ACSM2A: variants seen among roughly 807,000 people sequenced by gnomAD.
ACSM2A encodes the protein acyl-CoA synthetase medium chain family member 2A.
A neutral mutation model predicts 76.6 loss-of-function variants in ACSM2A; 72 were observed. The observed-to-expected ratio is 0.94, with a 90% CI of 0.78 to 1.14. The LOEUF (loss-of-function observed/expected upper bound fraction) is 1.14, where lower values mean the gene tolerates loss of function less well. ACSM2A is among the 50% of genes most tolerant of loss of function. ACSM2A has a pLI of 0.00. For missense variants in ACSM2A, 684 were observed against 708.5 expected (o/e 0.97, Z 0.39); for synonymous variants, 249 against 255.9 (o/e 0.97, Z 0.26).
chr16:20,476,215 C>A (rs559875383), intron 8 of ACSM2A: 45 of 1,000,978 alleles, frequency 4.5e-5, no homozygotes, highest in Non-Finnish European at 5.4e-5. Context: ...GAAGAAGAAC[C>A]CACCATGACT....
At chr16:20,472,833 G>A (rs2013501323) in intron 6 of ACSM2A, among the ~76,000 whole-genome samples, 1 of 152,152 alleles carries the variant, frequency 6.6e-6, no homozygotes, top group Non-Finnish European at 1.5e-5. Flanking sequence ...TTAGCTGGCT[G>A]CAAAGTATTT....
intron 3 of ACSM2A, among the ~76,000 whole-genome samples, chr16:20,468,404 TG>T (rs1283945520): frequency 6.6e-6 from 1 of 152,254 alleles, no homozygotes; most frequent in Admixed American, 6.5e-5. Flanking sequence ...AGTCTCCCTC[TG>T]TAGTCCAGGC....
At chr16:20,469,473 A>G (rs756532048) in intron 3 of ACSM2A, 39 bp from the exon 4 acceptor site, 1 of 1,610,350 alleles carries the variant, frequency 6.2e-7, no homozygotes, top group Non-Finnish European at 8.5e-7. Context: ...GACAAAGAAA[A>G]TCATCCTTTC....
Position 20,471,694 on chromosome 16 carries a change from G to C in ACSM2A, c.894+5G>C. The stretch of plus-strand genomic sequence containing the variant: ...GACCCACTGGTTATTCTAAAGGTAA[G>C]AGAGGATCCAGTTTGCAGCAGTTAT... On this transcript the variant is annotated splice_donor_5th_base_variant and intron_variant, in intron 6 of 13. Transcript: ENST00000573854. The C allele has an allele frequency of 1.2e-6, 2 of 1,605,172 alleles. No individual in the cohort carries two copies. The highest frequency in any genetic ancestry group is 1.7e-6 in the Non-Finnish European group (2 of 1,175,058).
At chr16:20,473,554 TACTC>T (rs2013542287) in intron 6 of ACSM2A, among the ~76,000 whole-genome samples, 1 of 152,220 alleles carries the variant, frequency 6.6e-6, no homozygotes, top group Non-Finnish European at 1.5e-5. Flanking sequence ...TATTGCATGA[TACTC>T]ACATTTGTCA....
At chr16:20,481,363 A>G (rs541920950) in intron 12 of ACSM2A, 2 of 169,052 alleles carry the variant, frequency 1.2e-5, no homozygotes, top group African/African-American at 2.4e-5. Flanking sequence ...TGTGGTATAT[A>G]TACACAATGG....
rs546660321 is a variant in ACSM2A, at chr16:20,462,388, G to T, written c.177+2097G>T. On this transcript the variant is annotated intron_variant, in intron 2 of 13. Coordinates refer to ENST00000573854, the MANE Select transcript of ACSM2A (RefSeq NM_001308172.2). ...TCAGGAAGAGACTGTTGTCATCCTT[G>T]CTTTAAAGTTAAATTATAAACTAAA... Among the ~76,000 whole-genome samples, 151 of 152,262 alleles carry T rather than the reference G, an allele frequency of 9.9e-4. 1 individual carries two copies. Among genetic ancestry groups the T allele is most frequent in the African/African-American group, 3.3e-3 (139 of 41,552 alleles).
At chr16:20,486,454 G>T in intron 13 of ACSM2A, 120 bp from the exon 14 acceptor site, 2 of 1,083,414 alleles carry the variant, frequency 1.8e-6, no homozygotes, top group Non-Finnish European at 2.8e-6. Flanking sequence ...TATTGCACAG[G>T]GCAGCTGCCC....
At chr16:20,482,900 T>G in intron 12 of ACSM2A, 158 bp from the exon 13 acceptor site, 1 of 1,235,960 alleles carries the variant, frequency 8.1e-7, no homozygotes, top group Non-Finnish European at 1.1e-6. Flanking sequence ...GTAACCTCAT[T>G]CATGTCCCCA....
chr16:20,451,995 TA>T (rs1220808719), intron 1 of ACSM2A: 1 of 150,862 alleles, frequency 6.6e-6, no homozygotes, highest in African/African-American at 2.4e-5. Context: ...AAGAGCTTAT[TA>T]TGGAAAAAGA....
In ACSM2A at chr16:20,452,553, C is replaced by CATAT. The variant is rs2011835235; in HGVS notation, c.-9+877_-9+880dup. ...TACATATGTTAATACTTAGTAAACTCATATATATGCTTATATATATGAGTT... is the reference window on the plus strand; with the variant it reads ...TACATATGTTAATACTTAGTAAACTCATATATATATATGCTTATATATATGAGTT... On this transcript the variant is annotated intron_variant, in intron 1 of 13. Coordinates refer to ENST00000573854, the MANE Select transcript of ACSM2A (RefSeq NM_001308172.2). 2 of 120,746 alleles carry CATAT rather than the reference C, an allele frequency of 1.7e-5. 1 individual carries two copies. Among genetic ancestry groups the CATAT allele is most frequent in the African/African-American group, 7.1e-5 (2 of 28,188 alleles). 7.5% of individuals were successfully genotyped at this position (120,746 alleles called of 1,614,324 possible). A position where few individuals can be genotyped will look rare whatever the true frequency, so the allele number is the denominator to read the frequency against.
chr16:20,486,577 G>C lies in ACSM2A; in HGVS notation c.1633G>C (p.Glu545Gln). The stretch of plus-strand genomic sequence containing the variant: ...GGACTGATTTGTTTTTCAACAGATA[G>C]AGTTTGTCTTGAACCTGCCCAAGAC... ...TAPYKYPRKI[E>Q]FVLNLPKTVT... Residue 545 changes from glutamate to glutamine, a missense_variant, in exon 14 of 14, where the codon GAG (glutamate) becomes CAG (glutamine). Around this residue, in one of 3 missense-constraint regions of ACSM2A, gnomAD observed 159 missense variants for 132.5 expected, o/e 1.20. Coordinates refer to ENST00000573854, the MANE Select transcript of ACSM2A (RefSeq NM_001308172.2). 6.2e-7 allele frequency: 1 copy of C among 1,614,144 alleles called. No homozygotes were observed. Among genetic ancestry groups the C allele is most frequent in the South Asian group, 1.1e-5 (1 of 91,072 alleles).
At chr16:20,474,894 G>T (rs965196313) in intron 6 of ACSM2A, among the ~76,000 whole-genome samples, 10 of 152,182 alleles carry the variant, frequency 6.6e-5, no homozygotes, top group Non-Finnish European at 1.2e-4. Flanking sequence ...GCTTTTCAAA[G>T]AACTTTTATA....
rs766707267 is a variant in ACSM2A, at chr16:20,483,162, C to T, written c.1614C>T (p.Tyr538=). ...QQHVKSVTAP[Y]KYPRKIEFVL... is the part of the protein sequence containing the mutation. ...ATGTGAAGTCAGTGACAGCCCCATA[C>T]AAGTACCCAAGAAAGGTAAGGCCTT... Residue 538 remains tyrosine (Y), a synonymous_variant, in exon 13 of 14, where the codon TAC becomes TAT. Transcript: ENST00000573854. 4 of 1,613,908 alleles carry T rather than the reference C, an allele frequency of 2.5e-6. No homozygotes were observed. The African/African-American group carries it at 5.3e-5, about 22-fold the overall frequency.
At position 20,486,677 on chromosome 16, in the gene ACSM2A, G is replaced by GT; in HGVS notation, c.1733_1734insT (p.Ter578CysfsTer27). 6.2e-7 allele frequency: 1 copy of GT among 1,614,120 alleles called. No individual in the cohort carries two copies. On this transcript the variant is annotated frameshift_variant and stop_lost, in exon 14 of 14. Coordinates refer to ENST00000573854, the MANE Select transcript of ACSM2A (RefSeq NM_001308172.2). LOFTEE classifies it high-confidence loss of function. ...ATGTCCGGAAAAGCCCGTGCGCAGT[G>GT]AGACATCTAAGAGACATTCATTTGG...
intron 13 of ACSM2A, among the ~76,000 whole-genome samples, chr16:20,485,620 C>G (rs754571207): frequency 2.0e-5 from 3 of 152,170 alleles, no homozygotes; most frequent in African/African-American, 7.2e-5. Context: ...TTGATAAAAA[C>G]AGGAAGTGGG....
chr16:20,486,862 T>C lies in ACSM2A; in HGVS notation c.*184T>C. On this transcript the variant is annotated 3_prime_UTR_variant, in exon 14 of 14. Coordinates refer to ENST00000573854, the MANE Select transcript of ACSM2A (RefSeq NM_001308172.2). Reference sequence around the variant, plus strand: ...ATGTTGAAAGAAGAAAGGGAAGGAATGAGAGAGAGTGAAAAGGAGAGGGTA... The same window carrying C: ...ATGTTGAAAGAAGAAAGGGAAGGAACGAGAGAGAGTGAAAAGGAGAGGGTA... The C allele has an allele frequency of 1.5e-6, 1 of 667,900 alleles. No individual in the cohort carries two copies. The highest frequency in any genetic ancestry group is 2.5e-6 in the Non-Finnish European group (1 of 406,612). 41.4% of individuals were successfully genotyped at this position (667,900 alleles called of 1,614,324 possible).
intron 12 of ACSM2A, 31 bp downstream of exon 12, chr16:20,480,952 C>T (rs1295333197): frequency 6.2e-7 from 1 of 1,612,828 alleles, no homozygotes; most frequent in Admixed American, 1.7e-5. Context: ...TGGGGGTGAA[C>T]ACATATGAAC....
chr16:20,452,405 C>A (rs1210127558), intron 1 of ACSM2A: 1 of 137,186 alleles, frequency 7.3e-6, no homozygotes, highest in Non-Finnish European at 1.5e-5. Context: ...AGTTTTGGAA[C>A]TCAAACTGGC....
Sources: allele counts gnomAD v4.1 joint callset (sites outside exome capture counted in the v4.1 genomes callset), GRCh38; gene constraint gnomAD v4.1.1; regional missense constraint gnomAD v4.1.1; transcripts MANE v1.5; gene names NCBI Gene and HGNC (gene_info 2026-07-23, HGNC 2026-07-21).